KCNK9: variants seen among roughly 807,000 people sequenced by gnomAD.
KCNK9 encodes potassium two pore domain channel subfamily K member 9.
KCNK9 carries 1 observed loss-of-function variant against 10.8 expected under a neutral mutation model. The ratio of observed to expected loss-of-function variants is 0.09; its 90% CI spans 0.03 to 0.44. The LOEUF (loss-of-function observed/expected upper bound fraction) is 0.44. Among genes scored for constraint, KCNK9 ranks in the 20% least tolerant of loss-of-function variants. The pLI, the probability that KCNK9 is intolerant of heterozygous loss-of-function variation, is 0.97. For synonymous variants in KCNK9, 231 were observed against 222.7 expected, an observed-to-expected ratio of 1.04 and a Z score of -0.33; for missense variants, 303 against 515.0, an observed-to-expected ratio of 0.59 and a Z score of 3.98.
intron 1 of KCNK9, among the ~76,000 whole-genome samples, chr8:139,653,085 G>GGATTTGAC (rs1177309983): frequency 6.6e-6 from 1 of 152,204 alleles, no homozygotes; most frequent in African/African-American, 2.4e-5. Flanking sequence ...GCCAGGCTGT[G>GGATTTGAC]GATTTGACAG....
intron 1 of KCNK9, among the ~76,000 whole-genome samples, chr8:139,699,298 AG>A (rs1817140385): frequency 6.6e-6 from 1 of 152,206 alleles, no homozygotes. Flanking sequence ...TGTGTGTTCC[AG>A]GGGTCCCTTA....
intron 1 of KCNK9, among the ~76,000 whole-genome samples, chr8:139,621,306 A>T (rs997210723): frequency 2.6e-5 from 4 of 151,680 alleles, no homozygotes; most frequent in Non-Finnish European, 5.9e-5. Context: ...AAAAAAAAAA[A>T]TAGCCAAATT....
chr8:139,662,022 G>A (rs1374514459), intron 1 of KCNK9, among the ~76,000 whole-genome samples: 3 of 152,210 alleles, frequency 2.0e-5, no homozygotes, highest in East Asian at 1.9e-4. Flanking sequence ...TCAGGATGGT[G>A]CTGGTGGGAC....
intron 1 of KCNK9, among the ~76,000 whole-genome samples, chr8:139,623,387 A>G (rs1246515507): frequency 1.3e-5 from 2 of 152,150 alleles, no homozygotes. Context: ...GTGCCCTGGG[A>G]CCTGCTCTTG....
chr8:139,616,991 T>TCAGA, downstream of KCNK9: 1 of 152,284 alleles, frequency 6.6e-6, no homozygotes, highest in East Asian at 1.9e-4. Context: ...TCTACACTAC[T>TCAGA]CAGACAAAAT....
chr8:139,688,714 A>G (rs16893602), intron 1 of KCNK9, among the ~76,000 whole-genome samples: 76,290 of 152,082 alleles, frequency 0.5, 20,247 homozygotes, highest in South Asian at 0.59. Flanking sequence ...ATAGGTAACA[A>G]TAGATTAATT....
downstream of KCNK9, chr8:139,612,044 C>T: frequency 6.6e-6 from 1 of 152,158 alleles, no homozygotes. Flanking sequence ...ACTAGGGGAG[C>T]CCAGAAGAGG....
chr8:139,618,214 C>CAACT lies in KCNK9; in HGVS notation c.*40_*43dup. ...GAGTTGGACCAATGGAAATTAACAC[C>CAACT]AACTATGACAAATGACTTTTCTGTC... On this transcript the variant is annotated 3_prime_UTR_variant, in exon 2 of 2. Coordinates refer to ENST00000520439, the MANE Select transcript of KCNK9 (RefSeq NM_001282534.2). This position sits in a 1 kb window ranked among gnomAD's most constrained non-coding sequence, Gnocchi z 7.9. 6.2e-7 allele frequency: 1 copy of CAACT among 1,613,498 alleles called. No homozygotes were observed. Among genetic ancestry groups the CAACT allele is most frequent in the Non-Finnish European group, 8.5e-7 (1 of 1,179,608 alleles).
intron 1 of KCNK9, among the ~76,000 whole-genome samples, chr8:139,637,094 T>C (rs1005011535): frequency 6.6e-6 from 1 of 152,192 alleles, no homozygotes; most frequent in Non-Finnish European, 1.5e-5. Context: ...AGCTACAACA[T>C]ACTCCCGGGA....
At chr8:139,694,031 C>T (rs1193225797) in intron 1 of KCNK9, among the ~76,000 whole-genome samples, 1 of 152,152 alleles carries the variant, frequency 6.6e-6, no homozygotes, top group Non-Finnish European at 1.5e-5. Flanking sequence ...GGCTTGACAC[C>T]ATCCCAACCC....
chr8:139,649,280 C>T (rs555580522), intron 1 of KCNK9, among the ~76,000 whole-genome samples: 7 of 152,226 alleles, frequency 4.6e-5, no homozygotes, highest in South Asian at 2.1e-4. Context: ...GCCTGAGTGG[C>T]GCGTCAGAAG....
intron 1 of KCNK9, among the ~76,000 whole-genome samples, chr8:139,636,841 A>G (rs770128623): frequency 2.3e-4 from 35 of 152,342 alleles, no homozygotes; most frequent in Non-Finnish European, 3.7e-4. Flanking sequence ...TGGAACACCC[A>G]TAGCACAGCA....
intron 1 of KCNK9, among the ~76,000 whole-genome samples, chr8:139,664,194 C>G (rs1816240097): frequency 6.6e-6 from 1 of 152,242 alleles, no homozygotes; most frequent in African/African-American, 2.4e-5. Flanking sequence ...TTGGTCAAGT[C>G]TGTCCTCTTT....
chr8:139,612,259 C>A (rs148386670), downstream of KCNK9: 1 of 152,236 alleles, frequency 6.6e-6, no homozygotes, highest in Non-Finnish European at 1.5e-5. Flanking sequence ...AGGGACACTG[C>A]GTCACGATAG....
intron 1 of KCNK9, among the ~76,000 whole-genome samples, chr8:139,694,859 G>T: frequency 6.6e-6 from 1 of 152,172 alleles, no homozygotes; most frequent in Non-Finnish European, 1.5e-5. Flanking sequence ...CCACTCCCTG[G>T]CCAGGCTCTT....
At chr8:139,615,949 G>A (rs1814576557), downstream of KCNK9, 1 of 152,142 alleles carries the variant, frequency 6.6e-6, no homozygotes, top group Non-Finnish European at 1.5e-5. Flanking sequence ...CATGCCCCCA[G>A]TGGGGAAAAA....
intron 1 of KCNK9, among the ~76,000 whole-genome samples, chr8:139,657,450 G>C (rs149998102): frequency 1.8e-3 from 268 of 152,276 alleles, no homozygotes; most frequent in African/African-American, 6.3e-3. Context: ...GAGCCGGGGA[G>C]GACCTGTGGC....
rs1311345883 is a variant in KCNK9, at chr8:139,618,312, C to G, written c.1071G>C (p.Gly357=). The change falls in exon 2 of 2, where the codon GGG becomes GGC. Residue 357 remains glycine, a synonymous_variant. Transcript: ENST00000520439. This position sits in a 1 kb window ranked among gnomAD's most constrained non-coding sequence, Gnocchi z 7.9. ...TCTGGTGGTCGGTAAAGCTGTGTAA[C>G]CCAGGAGAGATGGAGCTAATAGGCG... ...FPSPISSISP[G]LHSFTDHQRL... is the part of the protein sequence containing the mutation. 17 of 1,614,016 alleles carry G rather than the reference C, an allele frequency of 1.1e-5. No individual in the cohort carries two copies. The highest frequency in any genetic ancestry group is 1.4e-5 in the Non-Finnish European group (17 of 1,180,036).
intron 1 of KCNK9, among the ~76,000 whole-genome samples, chr8:139,634,932 G>A (rs918563056): frequency 6.6e-6 from 1 of 152,090 alleles, no homozygotes; most frequent in Non-Finnish European, 1.5e-5. Context: ...GGTGATGAGC[G>A]GGCGGGGGCA....
Sources: gnomAD v4.1 joint callset for allele counts (sites outside exome capture counted in the v4.1 genomes callset) on GRCh38, gnomAD v4.1.1 for gene constraint, Gnocchi (gnomAD v3.1) non-coding constraint, MANE v1.5 for transcripts, NCBI Gene and HGNC (gene_info 2026-07-23, HGNC 2026-07-21) for gene names.